MYO3A: variants seen among roughly 807,000 people sequenced by gnomAD.
MYO3A encodes the protein myosin-IIIa.
In MYO3A, 180 loss-of-function variants were observed where a neutral mutation model predicts 192.7. The observed-to-expected ratio is 0.93, with a 90% CI of 0.83 to 1.06. The LOEUF (loss-of-function observed/expected upper bound fraction) is 1.06, where lower values mean the gene tolerates loss of function less well. Ranked by LOEUF, MYO3A falls within the 50% of genes least tolerant of loss-of-function variation. MYO3A has a pLI of 0.00. For synonymous variants in MYO3A, 628 were observed against 645.3 expected (o/e 0.97, Z 0.41); for missense variants, 1,896 against 1,905.0 (o/e 1.00, Z 0.09).
At chr10:26,140,692 A>G (rs1420322669) in intron 20 of MYO3A, among the ~76,000 whole-genome samples, 1 of 151,912 alleles carries the variant, frequency 6.6e-6, no homozygotes, top group Non-Finnish European at 1.5e-5. Flanking sequence ...CTCAAAAAAA[A>G]AAAAAAAGAA....
chr10:26,168,730 C>T lies in MYO3A; in HGVS notation c.3130C>T (p.His1044Tyr), dbSNP rs914139908. 1.2e-6 allele frequency: 2 copies of T among 1,612,816 alleles called. No homozygotes were observed. Among genetic ancestry groups the T allele is most frequent in the African/African-American group, 2.7e-5 (2 of 74,852 alleles). ...GKTKVFLKYYHVEQLNLMRKE... is the reference protein window; with the variant it reads ...GKTKVFLKYYYVEQLNLMRKE... ...TTTTCAGGTGTTCCTTAAGTATTAT[C>T]ACGTGGAGCAGTTAAATCTAATGCG... is the stretch of plus-strand genomic sequence containing the variant. The change falls in exon 28 of 35, where the codon CAC becomes TAC. Residue 1044 changes from histidine to tyrosine, a missense_variant. By Grantham distance (83) the His-to-Tyr change is moderately conservative. Transcript: ENST00000642920.
At chr10:26,075,726 G>GATATATATGTCTCTCATATATATGAT (rs1267838965) in intron 14 of MYO3A, among the ~76,000 whole-genome samples, 49 of 128,780 alleles carry the variant, frequency 3.8e-4, no homozygotes, top group African/African-American at 1.3e-3. Context: ...ATATATATAT[G>GATATATATGTCTCTCATATATATGAT]ATATATATGT....
At chr10:26,154,889 A>C in intron 25 of MYO3A, 66 bp downstream of exon 25, 5 of 1,302,248 alleles carry the variant, frequency 3.8e-6, no homozygotes, top group Non-Finnish European at 5.5e-6. Context: ...GTTACAGATC[A>C]AAAGCCAGTA....
intron 6 of MYO3A, among the ~76,000 whole-genome samples, chr10:26,003,042 C>G (rs1840950196): frequency 6.6e-6 from 1 of 152,158 alleles, no homozygotes; most frequent in African/African-American, 2.4e-5. Context: ...AGGGGGAAGA[C>G]TTGCCATATA....
At chr10:25,998,760 C>G (rs1840606794) in intron 6 of MYO3A, among the ~76,000 whole-genome samples, 1 of 152,074 alleles carries the variant, frequency 6.6e-6, no homozygotes, top group Admixed American at 6.6e-5. Context: ...CAATAAACAA[C>G]TTTTTAGCTA....
chr10:25,999,991 A>G (rs1387859398), intron 6 of MYO3A, among the ~76,000 whole-genome samples: 1 of 151,966 alleles, frequency 6.6e-6, no homozygotes, highest in African/African-American at 2.4e-5. Flanking sequence ...GTTATACTTT[A>G]CTGAACTCCC....
At chr10:26,046,166 A>C (rs1843627943) in intron 10 of MYO3A, among the ~76,000 whole-genome samples, 1 of 152,204 alleles carries the variant, frequency 6.6e-6, no homozygotes. Flanking sequence ...AAGCACAGGT[A>C]AAACAACCTG....
At position 26,113,468 on chromosome 10, in the gene MYO3A, CAAAAAAACAAAA is replaced by C. The variant is rs909815496; in HGVS notation, c.1777-7190_1777-7179del. Reference sequence around the variant, plus strand: ...CTGGCAATAGAGCAAGACTACGTCTCAAAAAAACAAAAAAAAAAACAAAAAAAAACTGATTTT... The same window carrying C: ...CTGGCAATAGAGCAAGACTACGTCTCAAAAAAACAAAAAAAAACTGATTTT... On this transcript the variant is annotated intron_variant, in intron 17 of 34. Coordinates refer to ENST00000642920, the MANE Select transcript of MYO3A (RefSeq NM_017433.5). Among the ~76,000 whole-genome samples the C allele has an allele frequency of 4.7e-3, 386 of 81,676 alleles. 9 individuals carry two copies. Among genetic ancestry groups the C allele is most frequent in the African/African-American group, 0.015 (356 of 23,088 alleles). The allele number at this position is 81,676 out of a possible 152,430, so 53.6% of individuals were successfully genotyped here.
At chr10:26,030,948 T>C (rs1231494363) in intron 10 of MYO3A, among the ~76,000 whole-genome samples, 1 of 152,214 alleles carries the variant, frequency 6.6e-6, no homozygotes, top group Non-Finnish European at 1.5e-5. Context: ...AAGACCATGT[T>C]ATAATACACT....
intron 10 of MYO3A, among the ~76,000 whole-genome samples, chr10:26,052,053 C>A (rs1844035975): frequency 6.6e-6 from 1 of 152,174 alleles, no homozygotes; most frequent in South Asian, 2.1e-4. Flanking sequence ...TAGGAATATG[C>A]AAACTATGTA....
intron 10 of MYO3A, among the ~76,000 whole-genome samples, chr10:26,061,386 A>G (rs897866716): frequency 2.0e-5 from 3 of 152,220 alleles, no homozygotes; most frequent in Admixed American, 6.5e-5. Flanking sequence ...CTCTCTGGAA[A>G]GACCTGCAGT....
Position 26,071,007 on chromosome 10 carries a change from TAA to T in MYO3A, c.1359+610_1359+611del, listed in dbSNP as rs1433983933. ...ATCTATAGATATAATGCAATTACAA[TAA>T]AAATCCAAACAGGATTTTTTTTTTG... On this transcript the variant is annotated intron_variant, in intron 14 of 34. Coordinates refer to ENST00000642920, the MANE Select transcript of MYO3A (RefSeq NM_017433.5). Among the ~76,000 whole-genome samples, 23 of 140,962 alleles carry T rather than the reference TAA, an allele frequency of 1.6e-4. No individual in the cohort carries two copies. In the Admixed American group the frequency reaches 1.7e-3, roughly 10 times the overall value. The allele number at this position is 140,962 out of a possible 152,430, so 92.5% of individuals were successfully genotyped here.
At chr10:26,202,767 G>T (rs1843734013) in intron 33 of MYO3A, 197 bp from the exon 34 acceptor site, 2 of 559,250 alleles carry the variant, frequency 3.6e-6, no homozygotes, top group African/African-American at 3.8e-5. Context: ...TCTGTTCAAG[G>T]TAAGATATGA....
chr10:26,128,613 C>A, intron 20 of MYO3A, 75 bp downstream of exon 20: 1 of 1,421,696 alleles, frequency 7.0e-7, no homozygotes, highest in Non-Finnish European at 9.8e-7. Flanking sequence ...GAAGCAGGAC[C>A]TTAACCATAG....
chr10:26,195,971 A>G (rs1012871244), intron 32 of MYO3A, among the ~76,000 whole-genome samples: 2 of 150,902 alleles, frequency 1.3e-5, no homozygotes, highest in Non-Finnish European at 1.5e-5. Flanking sequence ...AAATGAGAGC[A>G]ATGAAATAAA....
At chr10:25,951,642 G>C (rs1379849670) in intron 2 of MYO3A, among the ~76,000 whole-genome samples, 1 of 152,140 alleles carries the variant, frequency 6.6e-6, no homozygotes, top group Non-Finnish European at 1.5e-5. Flanking sequence ...AGCCATGTTA[G>C]AGGACCCATT....
intron 31 of MYO3A, 57 bp downstream of exon 31, chr10:26,176,902 T>C: frequency 1.9e-6 from 3 of 1,578,778 alleles, no homozygotes; most frequent in Non-Finnish European, 2.6e-6. Flanking sequence ...AGATACTTTG[T>C]TTATTAGTTT....
At chr10:26,084,373 G>A (rs1372536217) in intron 14 of MYO3A, among the ~76,000 whole-genome samples, 1 of 152,190 alleles carries the variant, frequency 6.6e-6, no homozygotes, top group Admixed American at 6.5e-5. Flanking sequence ...TTGCATCAGT[G>A]TTCATCAGAG....
intron 20 of MYO3A, among the ~76,000 whole-genome samples, chr10:26,139,544 A>G (rs1206548968): frequency 6.6e-6 from 1 of 152,162 alleles, no homozygotes; most frequent in East Asian, 1.9e-4. Flanking sequence ...GCTGGTGAGG[A>G]TGCAGCAAGT....
Sources: allele counts gnomAD v4.1 joint callset (sites outside exome capture counted in the v4.1 genomes callset), GRCh38; gene constraint gnomAD v4.1.1; transcripts MANE v1.5; gene names NCBI Gene and HGNC (gene_info 2026-07-23, HGNC 2026-07-21).